SH2D4B: variants seen among roughly 807,000 people sequenced by gnomAD.
SH2D4B encodes the protein SH2 domain containing 4B, also known as SH2 domain-containing protein 4B.
Under a neutral mutation model 61.5 loss-of-function variants are expected in SH2D4B, and 45 were observed. That is an observed-to-expected ratio of 0.73 (90% CI 0.58 to 0.94). SH2D4B has a LOEUF of 0.94. Ranked by LOEUF, SH2D4B falls within the 40% of genes least tolerant of loss-of-function variation. The pLI, the probability that SH2D4B is intolerant of heterozygous loss-of-function variation, is 0.00. For synonymous variants in SH2D4B, 224 were observed against 220.4 expected, an observed-to-expected ratio of 1.02 and a Z score of -0.14; for missense variants, 572 against 574.2, an observed-to-expected ratio of 1.00 and a Z score of 0.04.
intron 1 of SH2D4B, among the ~76,000 whole-genome samples, chr10:80,560,112 C>T (rs1373399391): frequency 1.3e-5 from 2 of 151,000 alleles, no homozygotes; most frequent in African/African-American, 2.4e-5. Flanking sequence ...CTCAGCCTCC[C>T]GAGTAGCTGG....
intron 3 of SH2D4B, among the ~76,000 whole-genome samples, chr10:80,575,051 A>G (rs1368064382): frequency 1.3e-5 from 2 of 150,932 alleles, no homozygotes; most frequent in South Asian, 2.1e-4. Flanking sequence ...ATTTGGAAAC[A>G]GTATGTACCC....
chr10:80,609,300 C>T (rs1162553721), intron 5 of SH2D4B, 124 bp from the exon 6 acceptor site: 6 of 929,194 alleles, frequency 6.5e-6, no homozygotes, highest in South Asian at 3.5e-5. Flanking sequence ...CTTCTTCCAC[C>T]CCCCCTTCCT....
rs533208673 is a variant in SH2D4B, at chr10:80,551,145, C to T, written c.184+12630C>T. On this transcript the variant is annotated intron_variant, in intron 1 of 7. Coordinates refer to ENST00000646907, the MANE Select transcript of SH2D4B (RefSeq NM_001388272.1). ...TCGGCTCACTGCAAGCTCTACCTCC[C>T]GGGCTCACGCCATTCTCCTGCCTCA... Among the ~76,000 whole-genome samples, 33 of 152,314 alleles carry T rather than the reference C, an allele frequency of 2.2e-4. 1 individual carries two copies. In the South Asian group the frequency reaches 3.7e-3, roughly 17 times the overall value.
rs150061049 is a variant in SH2D4B at position 80,552,782 on chromosome 10, G to C, written c.184+14267G>C. On this transcript the variant is annotated intron_variant, in intron 1 of 7. Transcript: ENST00000646907. ...GAAACAGATTTTGCCTTAGATGTTG[G>C]GGTCTAAATTCTTTGGGTTCATTTT... Among the ~76,000 whole-genome samples the C allele has an allele frequency of 3.8e-3, 581 of 152,194 alleles. 3 individuals are homozygous for C. The highest frequency in any genetic ancestry group is 0.014 in the African/African-American group (561 of 41,526).
intron 4 of SH2D4B, among the ~76,000 whole-genome samples, chr10:80,594,518 T>C (rs1842364903): frequency 6.6e-6 from 1 of 152,250 alleles, no homozygotes. Flanking sequence ...TGGAAAGTGT[T>C]CATTCCTCTT....
chr10:80,571,535 A>T lies in SH2D4B; in HGVS notation c.452A>T (p.Lys151Met). ...EKWKVEMEDRKAAKVLEERIH... is the reference protein window; with the variant it reads ...EKWKVEMEDRMAAKVLEERIH... The stretch of plus-strand genomic sequence containing the variant: ...TGGAAAGTGGAGATGGAAGACCGCA[A>T]GGCTGCCAAAGTCCTGGAGGAACGC... Residue 151 changes from lysine to methionine, a missense_variant, in exon 3 of 8, where the codon AAG becomes ATG. By Grantham distance (95) the Lys-to-Met change is moderately conservative. Transcript: ENST00000646907. 1 of 1,614,062 alleles carries T rather than the reference A, an allele frequency of 6.2e-7. No homozygotes were observed. The highest frequency in any genetic ancestry group is 8.5e-7 in the Non-Finnish European group (1 of 1,180,000).
chr10:80,603,250 A>T (rs547029751), intron 4 of SH2D4B, among the ~76,000 whole-genome samples: 38 of 152,266 alleles, frequency 2.5e-4, no homozygotes, highest in Admixed American at 2.2e-3. Context: ...TTCCACCCCA[A>T]GGTGGCTTGG....
At chr10:80,580,686 T>C (rs535598409) in intron 3 of SH2D4B, among the ~76,000 whole-genome samples, 4 of 152,174 alleles carry the variant, frequency 2.6e-5, no homozygotes. Flanking sequence ...CCTAGGATTT[T>C]AAAAAATTTT....
intron 1 of SH2D4B, among the ~76,000 whole-genome samples, chr10:80,553,657 C>T (rs191539306): frequency 1.8e-4 from 28 of 152,214 alleles, no homozygotes; most frequent in African/African-American, 6.3e-4. Flanking sequence ...GTAGAGGGGG[C>T]GCCATTTCAC....
At position 80,571,444 on chromosome 10, in the gene SH2D4B, G is replaced by A. The variant is rs1453176020; in HGVS notation, c.361G>A (p.Ala121Thr). ...CTCTCTTGGTAGGAGACAGAAGGAG[G>A]CAGAGATCACCAAGAAGTTCCGGGA... ...EAEELWRQKE[A>T]EITKKFRDAL... Residue 121 changes from alanine to threonine, a missense_variant, in exon 3 of 8, where the codon GCA (alanine) becomes ACA (threonine). Physicochemically the swap from Ala to Thr is moderately conservative, Grantham distance 58 (BLOSUM62 0). Coordinates refer to ENST00000646907, the MANE Select transcript of SH2D4B (RefSeq NM_001388272.1). The A allele has an allele frequency of 1.2e-6, 2 of 1,614,024 alleles. No homozygotes were observed. The highest frequency in any genetic ancestry group is 2.2e-5 in the South Asian group (2 of 91,082).
chr10:80,562,964 G>A (rs1481471094), intron 1 of SH2D4B, among the ~76,000 whole-genome samples: 1 of 147,138 alleles, frequency 6.8e-6, no homozygotes, highest in East Asian at 2.0e-4. Context: ...TGCAGTGGCG[G>A]GATCTCGGCT....
At chr10:80,635,093 T>G (rs1341817773) in intron 7 of SH2D4B, among the ~76,000 whole-genome samples, 2 of 152,196 alleles carry the variant, frequency 1.3e-5, no homozygotes, top group African/African-American at 4.8e-5. Context: ...TCGGACCCTG[T>G]GAGCATTAAA....
chr10:80,585,802 G>A (rs1188062768), intron 3 of SH2D4B, among the ~76,000 whole-genome samples: 3 of 152,178 alleles, frequency 2.0e-5, no homozygotes, highest in Non-Finnish European at 4.4e-5. Flanking sequence ...TCAGCCCACC[G>A]CTGCACTGTA....
Position 80,571,425 on chromosome 10 carries a change from T to C in SH2D4B, c.348-6T>C. 1 of 1,613,704 alleles carries C rather than the reference T, an allele frequency of 6.2e-7. No individual in the cohort carries two copies. The highest frequency in any genetic ancestry group is 8.5e-7 in the Non-Finnish European group (1 of 1,179,712). On this transcript the variant is annotated splice_region_variant and splice_polypyrimidine_tract_variant and intron_variant, in intron 2 of 7. Transcript: ENST00000646907. The stretch of plus-strand genomic sequence containing the variant: ...CAAGCTTATACCTGTGGTGCTCTCT[T>C]GGTAGGAGACAGAAGGAGGCAGAGA...
At chr10:80,575,853 A>T (rs1282927368) in intron 3 of SH2D4B, among the ~76,000 whole-genome samples, 1 of 152,196 alleles carries the variant, frequency 6.6e-6, no homozygotes, top group Admixed American at 6.5e-5. Context: ...TCATTTTCAC[A>T]CCTATTGAAA....
chr10:80,608,983 A>G (rs994068197), intron 5 of SH2D4B, among the ~76,000 whole-genome samples: 1 of 152,106 alleles, frequency 6.6e-6, no homozygotes, highest in Non-Finnish European at 1.5e-5. Context: ...AGGGGATGAG[A>G]CACGCTCATT....
intron 1 of SH2D4B, among the ~76,000 whole-genome samples, chr10:80,542,614 T>C (rs1366933026): frequency 6.6e-6 from 1 of 152,034 alleles, no homozygotes; most frequent in Non-Finnish European, 1.5e-5. Context: ...CAGGCTGGTC[T>C]TGAACTCTTG....
intron 1 of SH2D4B, among the ~76,000 whole-genome samples, chr10:80,557,548 C>A (rs1226096245): frequency 1.3e-5 from 2 of 152,120 alleles, no homozygotes; most frequent in Admixed American, 1.3e-4. Flanking sequence ...GGACATAGAG[C>A]TATTCAAGGT....
At chr10:80,613,569 GCTCAGGTGCTGGGAGT>G (rs1842626650) in intron 6 of SH2D4B, among the ~76,000 whole-genome samples, 1 of 152,240 alleles carries the variant, frequency 6.6e-6, no homozygotes, top group African/African-American at 2.4e-5. Flanking sequence ...ATGTGACCCT[GCTCAGGTGCTGGGAGT>G]GGATCTCAAG....
Sources: gnomAD v4.1 joint callset for allele counts (sites outside exome capture counted in the v4.1 genomes callset) on GRCh38, gnomAD v4.1.1 for gene constraint, MANE v1.5 for transcripts, NCBI Gene and HGNC (gene_info 2026-07-23, HGNC 2026-07-21) for gene names.